FAM193A: variants seen among roughly 807,000 people sequenced by gnomAD.
FAM193A encodes family with sequence similarity 193 member A, also known as protein FAM193A.
Under a neutral mutation model 126.5 loss-of-function variants are expected in FAM193A, and 22 were observed. That is an observed-to-expected ratio of 0.17 (90% CI 0.12 to 0.25). FAM193A has a LOEUF of 0.25. Ranked by LOEUF, FAM193A falls within the 10% of genes least tolerant of loss-of-function variation. The pLI is 1.00. For synonymous variants in FAM193A, 761 were observed against 646.8 expected, an observed-to-expected ratio of 1.18 and a Z score of -2.68; for missense variants, 1,675 against 1,672.8, an observed-to-expected ratio of 1.00 and a Z score of -0.02.
chr4:2,730,808 G>C (rs928703203), intron 20 of FAM193A, among the ~76,000 whole-genome samples: 4 of 151,328 alleles, frequency 2.6e-5, no homozygotes, highest in African/African-American at 4.9e-5. Flanking sequence ...CAGGAGAATC[G>C]CTTGAACCTG....
intron 20 of FAM193A, among the ~76,000 whole-genome samples, chr4:2,725,383 G>A (rs1032033785): frequency 1.4e-5 from 2 of 147,382 alleles, no homozygotes. Context: ...CCAGGAGGTC[G>A]AGGTTGCAGT....
chr4:2,684,178 T>TCCA (rs1427894923), intron 13 of FAM193A, among the ~76,000 whole-genome samples: 5 of 152,334 alleles, frequency 3.3e-5, no homozygotes, highest in Admixed American at 3.3e-4. Flanking sequence ...CAGCCTCTGG[T>TCCA]GAGATTGTTG....
At chr4:2,563,218 C>T (rs1357668282) in intron 1 of FAM193A, among the ~76,000 whole-genome samples, 2 of 152,186 alleles carry the variant, frequency 1.3e-5, no homozygotes, top group Non-Finnish European at 2.9e-5. Flanking sequence ...GCTGGGATTA[C>T]AGGCGTGAGC....
intron 14 of FAM193A, among the ~76,000 whole-genome samples, chr4:2,689,989 C>T (rs538382309): frequency 4.2e-4 from 64 of 152,364 alleles, no homozygotes; most frequent in Non-Finnish European, 7.5e-4. Flanking sequence ...CTGAGGGTCT[C>T]GTGACCACGG....
chr4:2,616,564 T>A (rs1042631712), intron 2 of FAM193A, among the ~76,000 whole-genome samples: 3 of 145,724 alleles, frequency 2.1e-5, no homozygotes, highest in Admixed American at 6.8e-5. Context: ...ATGAATTGAA[T>A]TTTTTTTTTT....
At chr4:2,729,512 T>G (rs1721139187) in intron 20 of FAM193A, among the ~76,000 whole-genome samples, 1 of 152,170 alleles carries the variant, frequency 6.6e-6, no homozygotes, top group Non-Finnish European at 1.5e-5. Context: ...TTGTTTCTGC[T>G]CTAGAGCTTT....
At chr4:2,623,790 G>A (rs147408516) in intron 2 of FAM193A, among the ~76,000 whole-genome samples, 117 of 152,296 alleles carry the variant, frequency 7.7e-4, no homozygotes, top group African/African-American at 2.7e-3. Flanking sequence ...TTTTCCTTGT[G>A]GGGACCAGAG....
chr4:2,558,070 C>G (rs1301765597), intron 1 of FAM193A, among the ~76,000 whole-genome samples: 1 of 151,992 alleles, frequency 6.6e-6, no homozygotes, highest in African/African-American at 2.4e-5. Flanking sequence ...GCCAGGAGTT[C>G]AAGACCAGTC....
At chr4:2,640,679 T>C (rs915416324) in intron 6 of FAM193A, among the ~76,000 whole-genome samples, 4 of 152,156 alleles carry the variant, frequency 2.6e-5, no homozygotes, top group African/African-American at 9.7e-5. Flanking sequence ...CGTTAACCTA[T>C]ACTTAGGGGT....
intron 13 of FAM193A, among the ~76,000 whole-genome samples, chr4:2,685,972 G>A (rs889821047): frequency 3.3e-5 from 5 of 152,182 alleles, no homozygotes; most frequent in Non-Finnish European, 7.3e-5. Context: ...TTTGTATAAC[G>A]AGTGAAATTG....
At chr4:2,693,554 C>T in intron 15 of FAM193A, 32 bp from the exon 16 acceptor site, 1 of 1,582,952 alleles carries the variant, frequency 6.3e-7, no homozygotes, top group Non-Finnish European at 8.6e-7. Context: ...TTGAAACAAA[C>T]TTGGCAGTGA....
intron 20 of FAM193A, among the ~76,000 whole-genome samples, chr4:2,723,124 A>G (rs553729774): frequency 7.7e-4 from 117 of 152,158 alleles, no homozygotes; most frequent in Admixed American, 3.4e-3. Context: ...ATACAAAAAA[A>G]TTAGCCGGGT....
intron 19 of FAM193A, chr4:2,708,155 C>T (rs749493116): frequency 6.7e-5 from 30 of 448,242 alleles, no homozygotes; most frequent in Non-Finnish European, 9.8e-5. Flanking sequence ...GATGGAGTTT[C>T]GCTCTTGTTG....
At position 2,699,724 on chromosome 4, in the gene FAM193A, G is replaced by A. The variant is rs574194362; in HGVS notation, c.3552G>A (p.Glu1184=). The change falls in exon 19 of 21, where the codon GAG becomes GAA. Residue 1184 remains glutamate, a synonymous_variant. Coordinates refer to ENST00000637812, the MANE Select transcript of FAM193A (RefSeq NM_001366318.2). ...ARLEAEARAR[E]HLHLQEEQRR... ...TAGAAGCAGAGGCCAGGGCCCGGGA[G>A]CACCTGCACCTCCAGGAGGAGCAGA... 9.3e-6 allele frequency: 15 copies of A among 1,613,710 alleles called. 1 individual carries two copies. In the East Asian group the frequency reaches 2.7e-4, roughly 29 times the overall value.
At chr4:2,586,890 C>T (rs977635034) in intron 1 of FAM193A, among the ~76,000 whole-genome samples, 2 of 152,140 alleles carry the variant, frequency 1.3e-5, no homozygotes, top group African/African-American at 4.8e-5. Flanking sequence ...TGGGCTCAAG[C>T]AACCCTTTCA....
chr4:2,596,037 C>T (rs1457659346), intron 1 of FAM193A, 47 bp from the exon 2 acceptor site: 1 of 666,646 alleles, frequency 1.5e-6, no homozygotes, highest in Admixed American at 2.3e-5. Flanking sequence ...ATATTCTTGG[C>T]TTTGTAGATG....
chr4:2,647,003 A>G (rs937037579), intron 7 of FAM193A, among the ~76,000 whole-genome samples, 171 bp downstream of exon 7: 12 of 152,152 alleles, frequency 7.9e-5, no homozygotes, highest in Non-Finnish European at 1.5e-4. Context: ...TCCGGAAGGG[A>G]TGGGAAACCT....
chr4:2,667,328 G>A (rs998068167), intron 12 of FAM193A, among the ~76,000 whole-genome samples: 14 of 152,128 alleles, frequency 9.2e-5, no homozygotes, highest in Non-Finnish European at 1.6e-4. Flanking sequence ...ATCAACATAT[G>A]AATTTTGGAG....
chr4:2,537,381 C>T (rs1352694239), intron 1 of FAM193A, among the ~76,000 whole-genome samples: 2 of 152,210 alleles, frequency 1.3e-5, no homozygotes, highest in Non-Finnish European at 2.9e-5. Context: ...CCTCTGTCAG[C>T]CTCTTGAGAG....
Sources: allele counts gnomAD v4.1 joint callset (sites outside exome capture counted in the v4.1 genomes callset), GRCh38; gene constraint gnomAD v4.1.1; transcripts MANE v1.5; gene names NCBI Gene and HGNC (gene_info 2026-07-23, HGNC 2026-07-21).